PRKAR1B: variants seen among roughly 807,000 people sequenced by gnomAD.
PRKAR1B encodes cAMP-dependent protein kinase type I-beta regulatory subunit.
Under a neutral mutation model 46.5 loss-of-function variants are expected in PRKAR1B, and 22 were observed. The ratio of observed to expected loss-of-function variants is 0.47; its 90% CI spans 0.34 to 0.68. The LOEUF (loss-of-function observed/expected upper bound fraction) is 0.68. Ranked by LOEUF, PRKAR1B falls within the 30% of genes least tolerant of loss-of-function variation. PRKAR1B has a pLI of 0.01. For missense variants in PRKAR1B, 445 were observed against 535.6 expected (o/e 0.83, Z 1.67); for synonymous variants, 259 against 217.7 (o/e 1.19, Z -1.67).
chr7:562,195 G>A (rs1378218972), intron 9 of PRKAR1B, among the ~76,000 whole-genome samples: 1 of 150,858 alleles, frequency 6.6e-6, no homozygotes, highest in Non-Finnish European at 1.5e-5. Context: ...AGGTTCCGGG[G>A]AACCAGGGCG....
chr7:584,653 C>T, intron 7 of PRKAR1B, 85 bp from the exon 8 acceptor site: 1 of 1,209,988 alleles, frequency 8.3e-7, no homozygotes, highest in East Asian at 2.4e-5. Flanking sequence ...CCCCAAATGA[C>T]TCTCAACTTT....
At chr7:649,187 T>G (rs1004968347) in intron 4 of PRKAR1B, among the ~76,000 whole-genome samples, 14 of 152,174 alleles carry the variant, frequency 9.2e-5, no homozygotes, top group Admixed American at 2.6e-4. Context: ...AAATAAAAAT[T>G]TAAAAGCTTT....
At chr7:650,954 T>C (rs1017130225) in intron 4 of PRKAR1B, among the ~76,000 whole-genome samples, 4 of 151,572 alleles carry the variant, frequency 2.6e-5, no homozygotes, top group Admixed American at 6.6e-5. Context: ...GCTTCTTCTG[T>C]GCAGCAAAAC....
intron 4 of PRKAR1B, among the ~76,000 whole-genome samples, chr7:675,733 G>A (rs1031930343): frequency 2.0e-5 from 3 of 152,126 alleles, no homozygotes; most frequent in Non-Finnish European, 2.9e-5. Flanking sequence ...GGATCATGAG[G>A]TCAGGAGTTC....
At chr7:680,131 C>T (rs1300866174) in intron 3 of PRKAR1B, among the ~76,000 whole-genome samples, 1 of 145,762 alleles carries the variant, frequency 6.9e-6, no homozygotes, top group South Asian at 2.2e-4. Flanking sequence ...GCACTCCAGC[C>T]TGGGGGACGG....
chr7:675,992 A>C (rs538391399), intron 4 of PRKAR1B, among the ~76,000 whole-genome samples: 1 of 151,734 alleles, frequency 6.6e-6, no homozygotes, highest in Non-Finnish European at 1.5e-5. Flanking sequence ...CAGCCGCAGT[A>C]GGAAAACAGC....
intron 2 of PRKAR1B, among the ~76,000 whole-genome samples, chr7:688,926 G>A (rs572004453): frequency 3.3e-5 from 5 of 152,228 alleles, no homozygotes; most frequent in African/African-American, 9.6e-5. Context: ...ATACATATTT[G>A]TTAAATAAAT....
intron 9 of PRKAR1B, among the ~76,000 whole-genome samples, chr7:555,488 C>A (rs1278018737): frequency 6.6e-6 from 1 of 152,168 alleles, no homozygotes; most frequent in South Asian, 2.1e-4. Context: ...TCTTCACACG[C>A]CCTGATAGGA....
chr7:702,886 TA>T (rs1350382075), intron 2 of PRKAR1B, among the ~76,000 whole-genome samples: 4 of 151,674 alleles, frequency 2.6e-5, no homozygotes, highest in Admixed American at 6.6e-5. Flanking sequence ...TAATATATAC[TA>T]TACTATATAT....
At chr7:682,226 A>G (rs889684082) in intron 2 of PRKAR1B, among the ~76,000 whole-genome samples, 1 of 152,156 alleles carries the variant, frequency 6.6e-6, no homozygotes, top group African/African-American at 2.4e-5. Flanking sequence ...ACCCTGAGTA[A>G]GTTGCTTGAC....
At chr7:709,162 C>A (rs1780486792) in intron 2 of PRKAR1B, among the ~76,000 whole-genome samples, 1 of 145,290 alleles carries the variant, frequency 6.9e-6, no homozygotes. Flanking sequence ...TCCATTCACT[C>A]ACGGAGGAAA....
rs754010354 is a variant in PRKAR1B at position 550,569 on chromosome 7, G to A, written c.1007C>T (p.Ala336Val). The A allele has an allele frequency of 1.1e-5, 18 of 1,593,528 alleles. No homozygotes were observed. The highest frequency in any genetic ancestry group is 1.8e-4 in the Middle Eastern group (1 of 5,608). ...EIALLLNRPRAATVVARGPLK... is the reference protein window; with the variant it reads ...EIALLLNRPRVATVVARGPLK... ...GGGCCCCCGGGCCACGACAGTGGCC[G>A]CCCGGGGCCGGTTCAGCAGCAGTGC... Residue 336 changes from alanine to valine, a missense_variant, in exon 11 of 11, where the codon GCG becomes GTG. By Grantham distance (64) the Ala-to-Val change is moderately conservative. Around this residue, in one of 5 missense-constraint regions of PRKAR1B, gnomAD observed 127 missense variants for 138.0 expected, o/e 0.92. Coordinates refer to ENST00000537384, the MANE Select transcript of PRKAR1B (RefSeq NM_001164760.2).
intron 2 of PRKAR1B, among the ~76,000 whole-genome samples, chr7:707,955 G>A (rs1780420102): frequency 6.6e-6 from 1 of 150,838 alleles, no homozygotes; most frequent in Non-Finnish European, 1.5e-5. Context: ...GGACCCAGAA[G>A]GAGCCATCCC....
intron 7 of PRKAR1B, among the ~76,000 whole-genome samples, chr7:589,191 G>A (rs1225446046): frequency 6.6e-6 from 1 of 151,458 alleles, no homozygotes; most frequent in East Asian, 1.9e-4. Context: ...CTGGTCTTCG[G>A]TTTCTCCATG....
At chr7:692,517 C>G (rs1352912465) in intron 2 of PRKAR1B, among the ~76,000 whole-genome samples, 1 of 152,012 alleles carries the variant, frequency 6.6e-6, no homozygotes, top group African/African-American at 2.4e-5. Context: ...GGCTCTGGGC[C>G]TTTGTAGAAA....
At chr7:705,018 G>A (rs570620836) in intron 2 of PRKAR1B, among the ~76,000 whole-genome samples, 10 of 152,132 alleles carry the variant, frequency 6.6e-5, no homozygotes, top group East Asian at 1.9e-4. Flanking sequence ...AGGGCCGGGC[G>A]CAGTGGCTCA....
At chr7:677,590 C>A (rs900778198) in intron 3 of PRKAR1B, among the ~76,000 whole-genome samples, 6 of 152,140 alleles carry the variant, frequency 3.9e-5, no homozygotes, top group Admixed American at 2.0e-4. Flanking sequence ...CCACACTTGG[C>A]TAACTTTTTT....
At chr7:645,390 C>T (rs1184018469) in intron 4 of PRKAR1B, among the ~76,000 whole-genome samples, 1 of 152,158 alleles carries the variant, frequency 6.6e-6, no homozygotes, top group African/African-American at 2.4e-5. Context: ...GTGGCTCAAG[C>T]CTGTAATCCC....
intron 4 of PRKAR1B, among the ~76,000 whole-genome samples, chr7:635,598 C>T (rs1488942705): frequency 6.6e-6 from 1 of 152,168 alleles, no homozygotes; most frequent in Non-Finnish European, 1.5e-5. Flanking sequence ...CCGGAAGGCT[C>T]GGGACTCCTC....
Sources: allele counts gnomAD v4.1 joint callset (sites outside exome capture counted in the v4.1 genomes callset), GRCh38; gene constraint gnomAD v4.1.1; regional missense constraint gnomAD v4.1.1; transcripts MANE v1.5; gene names NCBI Gene and HGNC (gene_info 2026-07-23, HGNC 2026-07-21).